Variants in SLC25A37 observed in about 807,000 individuals in gnomAD.
The protein encoded by SLC25A37 is solute carrier family 25 member 37, also known as mitoferrin-1.
In SLC25A37, 17 loss-of-function variants were observed where a neutral mutation model predicts 31.0. The observed-to-expected ratio is 0.55, with a 90% CI of 0.38 to 0.82. The LOEUF (loss-of-function observed/expected upper bound fraction) is 0.82. SLC25A37 is among the 40% of genes least tolerant of loss of function. The pLI, the probability that SLC25A37 is intolerant of heterozygous loss-of-function variation, is 0.00. For synonymous variants in SLC25A37, 222 were observed against 193.0 expected (o/e 1.15, Z -1.24); for missense variants, 404 against 465.8 (o/e 0.87, Z 1.22).
At chr8:23,539,508 G>A (rs560114089) in intron 1 of SLC25A37, among the ~76,000 whole-genome samples, 1 of 152,216 alleles carries the variant, frequency 6.6e-6, no homozygotes, top group South Asian at 2.1e-4. Context: ...AGGAGTGTTT[G>A]TGTGTCAGAC....
In SLC25A37 at chr8:23,566,067, A is replaced by G. The variant is rs763271094; in HGVS notation, c.211-41A>G. On this transcript the variant is annotated intron_variant, in intron 1 of 3. Transcript: ENST00000519973. ...ATTTTCCTTCTTTACCATCCTGATT[A>G]ACTCTATTTTTGTTTGTTTTCTCTT... 8 of 1,536,782 alleles carry G rather than the reference A, an allele frequency of 5.2e-6. No homozygotes were observed. The African/African-American group carries it at 1.0e-4, about 19-fold the overall frequency.
At chr8:23,545,642 T>C (rs1802016407) in intron 1 of SLC25A37, among the ~76,000 whole-genome samples, 1 of 152,112 alleles carries the variant, frequency 6.6e-6, no homozygotes, top group Admixed American at 6.5e-5. Flanking sequence ...TTTTTCAGGG[T>C]GGTTAGACAA....
At chr8:23,538,453 G>T (rs1217875034) in intron 1 of SLC25A37, among the ~76,000 whole-genome samples, 2 of 133,552 alleles carry the variant, frequency 1.5e-5, no homozygotes, top group African/African-American at 5.5e-5. Flanking sequence ...TTTGATTTTT[G>T]TTTTGCATTG....
chr8:23,546,497 GTATATATATA>G lies in SLC25A37; in HGVS notation c.210+17290_210+17299del, dbSNP rs1054939803. On this transcript the variant is annotated intron_variant, in intron 1 of 3. Transcript: ENST00000519973. ...AATAACTGAATTTTAAGGTGTGTGTGTATATATATATATAGGTATATATATATATAGGTGT... is the reference window on the plus strand; with the variant it reads ...AATAACTGAATTTTAAGGTGTGTGTGTATAGGTATATATATATATAGGTGT... Among the ~76,000 whole-genome samples, 11 of 121,310 alleles carry G rather than the reference GTATATATATA, an allele frequency of 9.1e-5. 1 individual carries two copies. The highest frequency in any genetic ancestry group is 3.2e-4 in the African/African-American group (9 of 27,972). The allele number at this position is 121,310 out of a possible 152,430, so 79.6% of individuals were successfully genotyped here.
Position 23,549,542 on chromosome 8 carries a change from C to T in SLC25A37, c.211-16566C>T, listed in dbSNP as rs149665224. Among the ~76,000 whole-genome samples, 3 of 152,322 alleles carry T rather than the reference C, an allele frequency of 2.0e-5. No homozygotes were observed. The East Asian group carries it at 5.8e-4, about 29-fold the overall frequency. ...GAAAGTCGAGTCTTGCGGTTGTTTCCTCTGGTGTTTCTCCCTGAGACCCTT... is the reference window on the plus strand; with the variant it reads ...GAAAGTCGAGTCTTGCGGTTGTTTCTTCTGGTGTTTCTCCCTGAGACCCTT... On this transcript the variant is annotated intron_variant, in intron 1 of 3. Coordinates refer to ENST00000519973, the MANE Select transcript of SLC25A37 (RefSeq NM_016612.4).
chr8:23,554,031 T>C (rs1367967650), intron 1 of SLC25A37, among the ~76,000 whole-genome samples: 2 of 137,844 alleles, frequency 1.5e-5, no homozygotes, highest in Non-Finnish European at 1.6e-5. Context: ...TGGGATCCTT[T>C]AGCGTCCATC....
intron 1 of SLC25A37, among the ~76,000 whole-genome samples, chr8:23,537,844 C>T (rs1197500954): frequency 2.0e-5 from 3 of 152,116 alleles, no homozygotes; most frequent in Non-Finnish European, 4.4e-5. Flanking sequence ...GGAGTAGCCA[C>T]GTCTTTCTGT....
chr8:23,546,571 TATATATATATA>T (rs1450868200), intron 1 of SLC25A37, among the ~76,000 whole-genome samples: 23,271 of 91,356 alleles, frequency 0.25, 2,803 homozygotes, highest in South Asian at 0.36. Context: ...TATATATATA[TATATATATATA>T]GTGTATATAT....
At chr8:23,538,547 T>TGTGTGTGTGTG (rs1563251552) in intron 1 of SLC25A37, among the ~76,000 whole-genome samples, 8 of 145,542 alleles carry the variant, frequency 5.5e-5, no homozygotes, top group East Asian at 4.0e-4. Flanking sequence ...GTGTGTGTGT[T>TGTGTGTGTGTG]TGTGTGTGTG....
At position 23,573,737 on chromosome 8, in the gene SLC25A37, G is replaced by T. The variant is rs1348168696; in HGVS notation, c.*1882G>T. 2 of 446,924 alleles carry T rather than the reference G, an allele frequency of 4.5e-6. No homozygotes were observed. Among genetic ancestry groups the T allele is most frequent in the Non-Finnish European group, 9.1e-6 (2 of 219,276 alleles). The allele number at this position is 446,924 out of a possible 1,614,324, so 27.7% of individuals were successfully genotyped here. On this transcript the variant is annotated 3_prime_UTR_variant, in exon 4 of 4. Coordinates refer to ENST00000519973, the MANE Select transcript of SLC25A37 (RefSeq NM_016612.4). ...GCCAAACTGGGTACCTCCCACGTGT[G>T]CCCCGTGAACAGCCCTTTGCAGCTG...
intron 1 of SLC25A37, among the ~76,000 whole-genome samples, chr8:23,553,144 G>A (rs1439380679): frequency 1.3e-5 from 2 of 152,208 alleles, no homozygotes; most frequent in Non-Finnish European, 2.9e-5. Context: ...GTTTTGGCTG[G>A]GTGCAGTGGC....
intron 2 of SLC25A37, chr8:23,566,651 A>G: frequency 9.1e-7 from 1 of 1,092,982 alleles, no homozygotes; most frequent in Non-Finnish European, 1.1e-6. Context: ...AAACATTCAA[A>G]AGCAATTAAT....
Position 23,571,965 on chromosome 8 carries a change from C to A in SLC25A37, c.*110C>A. On this transcript the variant is annotated 3_prime_UTR_variant, in exon 4 of 4. Coordinates refer to ENST00000519973, the MANE Select transcript of SLC25A37 (RefSeq NM_016612.4). ...TTTTTTGCAGGGTGCTGCCTATGGG[C>A]CCTCTGCTCCCCAATGCCTTAGAGA... 1 of 1,195,972 alleles carries A rather than the reference C, an allele frequency of 8.4e-7. No homozygotes were observed. The highest frequency in any genetic ancestry group is 1.2e-6 in the Non-Finnish European group (1 of 854,764). 74.1% of individuals were successfully genotyped at this position (1,195,972 alleles called of 1,614,324 possible).
At position 23,551,561 on chromosome 8, in the gene SLC25A37, T is replaced by G. The variant is rs116924582; in HGVS notation, c.211-14547T>G. Among the ~76,000 whole-genome samples, 929 of 151,918 alleles carry G rather than the reference T, an allele frequency of 6.1e-3. 8 individuals carry two copies. Among genetic ancestry groups the G allele is most frequent in the Non-Finnish European group, 8.6e-3 (584 of 67,958 alleles). Reference sequence around the variant, plus strand: ...TGACGTCATTGCTAAGAATGACGTCTTTTTTGCTGTTTATCCAAAGGAAAA... The same window carrying G: ...TGACGTCATTGCTAAGAATGACGTCGTTTTTGCTGTTTATCCAAAGGAAAA... On this transcript the variant is annotated intron_variant, in intron 1 of 3. Coordinates refer to ENST00000519973, the MANE Select transcript of SLC25A37 (RefSeq NM_016612.4).
intron 1 of SLC25A37, among the ~76,000 whole-genome samples, chr8:23,530,381 G>A (rs960994180): frequency 1.3e-5 from 2 of 152,240 alleles, no homozygotes; most frequent in Non-Finnish European, 2.9e-5. Context: ...GCTGATGCTG[G>A]TCCTGCATGA....
intron 1 of SLC25A37, among the ~76,000 whole-genome samples, chr8:23,549,218 G>C (rs1300282617): frequency 6.6e-6 from 1 of 152,194 alleles, no homozygotes; most frequent in Non-Finnish European, 1.5e-5. Context: ...TTTTCTTGCA[G>C]AACGATCCTG....
chr8:23,561,865 C>T (rs1802524790), intron 1 of SLC25A37, among the ~76,000 whole-genome samples: 1 of 152,248 alleles, frequency 6.6e-6, no homozygotes, highest in Non-Finnish European at 1.5e-5. Context: ...CTCTGATCTT[C>T]AGCCCCTGCT....
At chr8:23,565,451 T>G (rs1312611673) in intron 1 of SLC25A37, among the ~76,000 whole-genome samples, 1 of 151,850 alleles carries the variant, frequency 6.6e-6, no homozygotes, top group Non-Finnish European at 1.5e-5. Flanking sequence ...GTAGCCATTC[T>G]TTTATTCCTT....
intron 1 of SLC25A37, 129 bp from the exon 2 acceptor site, chr8:23,565,979 C>A: frequency 7.6e-7 from 1 of 1,308,364 alleles, no homozygotes; most frequent in Non-Finnish European, 1.0e-6. Context: ...AAATATGTTT[C>A]CTTCCCAGAG....
Sources: gnomAD v4.1 joint callset for allele counts (sites outside exome capture counted in the v4.1 genomes callset) on GRCh38, gnomAD v4.1.1 for gene constraint, MANE v1.5 for transcripts, NCBI Gene and HGNC (gene_info 2026-07-23, HGNC 2026-07-21) for gene names.